The following IL1RAPL1 variants were observed in gnomAD, a reference collection of about 807,000 sequenced individuals.
IL1RAPL1 encodes interleukin 1 receptor accessory protein like 1.
In IL1RAPL1, 3 loss-of-function variants were observed where a neutral mutation model predicts 48.4. That is an observed-to-expected ratio of 0.06 (90% CI 0.03 to 0.16). The LOEUF (loss-of-function observed/expected upper bound fraction) is 0.16. IL1RAPL1 is among the 10% of genes least tolerant of loss of function. The pLI is 1.00. For missense variants in IL1RAPL1, 349 were observed against 530.6 expected (o/e 0.66, Z 3.36); for synonymous variants, 185 against 187.7 (o/e 0.99, Z 0.12).
chrX:28,733,152 ATACT>A (rs199521254), intron 1 of IL1RAPL1, among the ~76,000 whole-genome samples: 1,206 of 110,398 alleles, frequency 0.011, 13 homozygotes, highest in African/African-American at 0.037. Flanking sequence ...ATATATATAC[ATACT>A]TAGGACAGTA....
intron 6 of IL1RAPL1, among the ~76,000 whole-genome samples, chrX:29,779,151 AT>A (rs1929276502): frequency 8.9e-6 from 1 of 111,977 alleles, no homozygotes; most frequent in Non-Finnish European, 1.9e-5. Flanking sequence ...ATCGATGGGC[AT>A]TTATCAACCT....
intron 6 of IL1RAPL1, among the ~76,000 whole-genome samples, chrX:29,763,618 AAT>A (rs1191408046): frequency 9.0e-6 from 1 of 111,228 alleles, no homozygotes; most frequent in Non-Finnish European, 1.9e-5. Flanking sequence ...AAGGATAGTT[AAT>A]GTTATTATTA....
At chrX:29,232,863 A>G (rs939315385) in intron 2 of IL1RAPL1, among the ~76,000 whole-genome samples, 4 of 110,494 alleles carry the variant, frequency 3.6e-5, no homozygotes, top group African/African-American at 6.6e-5. Flanking sequence ...CAGTGGCCCA[A>G]TCTTGGCTCA....
intron 1 of IL1RAPL1, among the ~76,000 whole-genome samples, chrX:28,597,196 A>G (rs891709571): frequency 9.0e-6 from 1 of 111,448 alleles, no homozygotes; most frequent in Non-Finnish European, 1.9e-5. Context: ...GCAGGAGCCA[A>G]TGGAATGGTA....
intron 1 of IL1RAPL1, among the ~76,000 whole-genome samples, chrX:28,606,377 A>T (rs1601832078): frequency 8.9e-6 from 1 of 112,176 alleles, no homozygotes; most frequent in East Asian, 2.8e-4. Flanking sequence ...CACATGGTAT[A>T]CACCAAAAAT....
intron 2 of IL1RAPL1, among the ~76,000 whole-genome samples, chrX:29,064,116 G>A (rs769176799): frequency 1.8e-5 from 2 of 111,854 alleles, no homozygotes; most frequent in Non-Finnish European, 1.9e-5. Flanking sequence ...CATTTGCTCA[G>A]CCATTAAGCA....
At chrX:29,776,227 C>T (rs1408996559) in intron 6 of IL1RAPL1, among the ~76,000 whole-genome samples, 1 of 111,557 alleles carries the variant, frequency 9.0e-6, no homozygotes, top group Admixed American at 9.6e-5. Flanking sequence ...CTACCACTTT[C>T]CCTGTATTCT....
chrX:28,653,456 C>T (rs1934710875), intron 1 of IL1RAPL1, among the ~76,000 whole-genome samples: 1 of 107,636 alleles, frequency 9.3e-6, no homozygotes, highest in Non-Finnish European at 1.9e-5. Flanking sequence ...GCCTGGGCGA[C>T]AGAGAGAGAC....
chrX:29,662,128 T>C (rs1412473132), intron 5 of IL1RAPL1, among the ~76,000 whole-genome samples: 1 of 112,161 alleles, frequency 8.9e-6, no homozygotes, highest in Non-Finnish European at 1.9e-5. Flanking sequence ...CCTTCCTGCA[T>C]TGGCCAGTGG....
rs773944736 is a variant in IL1RAPL1, at chrX:29,486,140, A to C, written c.703+86832A>C. On this transcript the variant is annotated intron_variant, in intron 5 of 10. Transcript: ENST00000378993. ...GACATCAGCAATACCGACCTGTTGC[A>C]ATAAATCAGTCATTCTCAAGTCTGT... 8.4e-4 allele frequency among the ~76,000 whole-genome samples: 93 copies of C among 111,148 alleles called. 2 individuals are homozygous for C. Among genetic ancestry groups the C allele is most frequent in the African/African-American group, 2.6e-3 (79 of 30,566 alleles).
intron 1 of IL1RAPL1, among the ~76,000 whole-genome samples, chrX:28,619,375 G>A (rs912556512): frequency 3.6e-5 from 4 of 109,718 alleles, no homozygotes; most frequent in South Asian, 4.0e-4. Context: ...CGAGTGGATC[G>A]CTTGAGTCCA....
chrX:28,938,571 G>A (rs1238612526), intron 2 of IL1RAPL1, among the ~76,000 whole-genome samples: 1 of 110,940 alleles, frequency 9.0e-6, no homozygotes, highest in Non-Finnish European at 1.9e-5. Flanking sequence ...TAAAAACCTT[G>A]GAAAATAACC....
rs182530287 is a variant in IL1RAPL1 at position 29,467,931 on chromosome X, G to A, written c.703+68623G>A. Among the ~76,000 whole-genome samples, 294 of 111,341 alleles carry A rather than the reference G, an allele frequency of 2.6e-3. 2 individuals carry two copies. Among genetic ancestry groups the A allele is most frequent in the African/African-American group, 9.2e-3 (282 of 30,679 alleles). On this transcript the variant is annotated intron_variant, in intron 5 of 10. Transcript: ENST00000378993. ...GCTGGAGTGCAGTGGCACAACCTCC[G>A]CTCACTGCAACCTCTGCCTCCTGGG...
chrX:29,843,345 G>A (rs1442842559), intron 6 of IL1RAPL1, among the ~76,000 whole-genome samples: 2 of 111,983 alleles, frequency 1.8e-5, no homozygotes, highest in African/African-American at 6.5e-5. Flanking sequence ...CTCTGCTGTG[G>A]TTTGGAAATC....
chrX:28,792,848 T>A (rs866594185), intron 2 of IL1RAPL1, among the ~76,000 whole-genome samples: 3 of 57,041 alleles, frequency 5.3e-5, no homozygotes, highest in African/African-American at 3.0e-4. Context: ...TATATATATA[T>A]ATAAAAAATA....
intron 2 of IL1RAPL1, among the ~76,000 whole-genome samples, chrX:29,250,617 A>G (rs1157085308): frequency 1.8e-5 from 2 of 111,705 alleles, no homozygotes; most frequent in African/African-American, 6.5e-5. Flanking sequence ...GATATGTAAG[A>G]TAAAATTTAT....
At chrX:29,419,778 G>A (rs1934269080) in intron 5 of IL1RAPL1, among the ~76,000 whole-genome samples, 1 of 112,185 alleles carries the variant, frequency 8.9e-6, no homozygotes, top group African/African-American at 3.2e-5. Context: ...CATACCAAAT[G>A]TACCTTCAAT....
rs770896021 is a variant in IL1RAPL1 at position 28,975,975 on chromosome X, T to G, written c.82+186550T>G. 1.1e-4 allele frequency among the ~76,000 whole-genome samples: 12 copies of G among 111,674 alleles called. No individual in the cohort carries two copies. The East Asian group carries it at 1.4e-3, about 13-fold the overall frequency. ...AAGAGAAATGAACACGTATGTCATG[T>G]TCAAAGAAGAGCTCAGAGGCCAGAG... On this transcript the variant is annotated intron_variant, in intron 2 of 10. Coordinates refer to ENST00000378993, the MANE Select transcript of IL1RAPL1 (RefSeq NM_014271.4).
intron 2 of IL1RAPL1, among the ~76,000 whole-genome samples, chrX:29,069,632 C>A (rs890610373): frequency 1.0e-5 from 1 of 98,110 alleles, no homozygotes; most frequent in Non-Finnish European, 2.0e-5. Flanking sequence ...CTATAGAACA[C>A]ACACACACAC....
Sources: allele counts gnomAD v4.1 joint callset (sites outside exome capture counted in the v4.1 genomes callset), GRCh38; gene constraint gnomAD v4.1.1; transcripts MANE v1.5; gene names NCBI Gene and HGNC (gene_info 2026-07-23, HGNC 2026-07-21).